Variants in SLC41A2 observed in about 807,000 individuals in gnomAD.
SLC41A2 encodes the protein solute carrier family 41 member 2.
In SLC41A2, 32 loss-of-function variants were observed where a neutral mutation model predicts 58.3. The ratio of observed to expected loss-of-function variants is 0.55; its 90% CI spans 0.41 to 0.74. SLC41A2 has a LOEUF of 0.74. Ranked by LOEUF, SLC41A2 falls within the 30% of genes least tolerant of loss-of-function variation. SLC41A2 has a pLI of 0.00. For synonymous variants in SLC41A2, 190 were observed against 235.0 expected (o/e 0.81, Z 1.75); for missense variants, 514 against 680.6 (o/e 0.76, Z 2.72).
At chr12:104,944,806 C>T (rs2047647407) in intron 1 of SLC41A2, among the ~76,000 whole-genome samples, 1 of 151,758 alleles carries the variant, frequency 6.6e-6, no homozygotes, top group Non-Finnish European at 1.5e-5. Context: ...TTTCTAATAT[C>T]CACTGGCATA....
chr12:104,835,851 AT>A (rs5800638), intron 10 of SLC41A2, among the ~76,000 whole-genome samples: 3 of 150,326 alleles, frequency 2.0e-5, no homozygotes, highest in East Asian at 2.0e-4. Flanking sequence ...ACAAAGCATC[AT>A]TTTTTTTTTG....
chr12:104,849,255 C>A (rs961216493), intron 8 of SLC41A2, among the ~76,000 whole-genome samples: 2 of 152,106 alleles, frequency 1.3e-5, no homozygotes, highest in East Asian at 3.9e-4. Context: ...AGTGGAAAGA[C>A]AAGCCACAGA....
chr12:104,875,276 G>A (rs1270049746), intron 6 of SLC41A2, among the ~76,000 whole-genome samples: 1 of 152,054 alleles, frequency 6.6e-6, no homozygotes, highest in Non-Finnish European at 1.5e-5. Flanking sequence ...CATTTATTTT[G>A]TTGTCGTTGT....
At chr12:104,841,133 CTCCACT>C (rs1294344972) in intron 10 of SLC41A2, among the ~76,000 whole-genome samples, 3 of 152,130 alleles carry the variant, frequency 2.0e-5, no homozygotes, top group East Asian at 3.8e-4. Context: ...AGTTTTACCC[CTCCACT>C]TCCACTTCCC....
At chr12:104,924,891 AG>A (rs1247703755) in intron 2 of SLC41A2, among the ~76,000 whole-genome samples, 1 of 152,162 alleles carries the variant, frequency 6.6e-6, no homozygotes, top group Non-Finnish European at 1.5e-5. Context: ...TATAATGTTG[AG>A]GGAAAAAAAG....
At chr12:104,909,810 T>C (rs2046001653) in intron 2 of SLC41A2, 48 bp from the exon 3 acceptor site, 1 of 1,285,594 alleles carries the variant, frequency 7.8e-7, no homozygotes, top group Non-Finnish European at 1.1e-6. Flanking sequence ...CTTTAAAAAA[T>C]ACTTTAGAAC....
chr12:104,929,082 G>A (rs1432248966), intron 1 of SLC41A2, among the ~76,000 whole-genome samples: 1 of 152,006 alleles, frequency 6.6e-6, no homozygotes, highest in Non-Finnish European at 1.5e-5. Flanking sequence ...GCATCTGTCA[G>A]TACACAACAA....
chr12:104,838,828 T>C (rs531410354), intron 10 of SLC41A2, among the ~76,000 whole-genome samples: 6 of 152,342 alleles, frequency 3.9e-5, no homozygotes, highest in African/African-American at 1.4e-4. Context: ...GAGAAGATTC[T>C]TAAGGGCAGG....
At chr12:104,845,561 C>T (rs2136335440) in intron 9 of SLC41A2, among the ~76,000 whole-genome samples, 1 of 152,216 alleles carries the variant, frequency 6.6e-6, no homozygotes, top group East Asian at 1.9e-4. Context: ...CTCCCGAAAT[C>T]ACCTGGCAAT....
intron 3 of SLC41A2, among the ~76,000 whole-genome samples, chr12:104,907,907 T>C (rs1483584869): frequency 1.3e-5 from 2 of 152,228 alleles, no homozygotes; most frequent in African/African-American, 4.8e-5. Context: ...ATATGACCTT[T>C]TATATACTAT....
intron 2 of SLC41A2, among the ~76,000 whole-genome samples, chr12:104,925,876 T>G (rs2046817380): frequency 6.6e-6 from 1 of 152,224 alleles, no homozygotes; most frequent in South Asian, 2.1e-4. Context: ...AAAACCAGCC[T>G]ATTTATTGTC....
intron 6 of SLC41A2, among the ~76,000 whole-genome samples, chr12:104,878,174 T>TCTTA (rs2044149677): frequency 1.3e-5 from 2 of 151,712 alleles, no homozygotes. Flanking sequence ...GCATTCTCTT[T>TCTTA]CTTACTTTCT....
At chr12:104,814,062 ATGTTT>A (rs2041289917) in intron 10 of SLC41A2, among the ~76,000 whole-genome samples, 1 of 152,204 alleles carries the variant, frequency 6.6e-6, no homozygotes, top group African/African-American at 2.4e-5. Context: ...ATGTATGTAT[ATGTTT>A]CAGAATAAAC....
intron 10 of SLC41A2, among the ~76,000 whole-genome samples, chr12:104,824,151 G>T (rs936746516): frequency 2.0e-5 from 3 of 152,066 alleles, no homozygotes; most frequent in South Asian, 4.2e-4. Context: ...CTGTGCCCAT[G>T]GACCTACGTG....
chr12:104,919,288 GATAATGCTACCATAACC>G (rs558045502), intron 2 of SLC41A2, among the ~76,000 whole-genome samples: 2 of 152,184 alleles, frequency 1.3e-5, no homozygotes, highest in Non-Finnish European at 2.9e-5. Context: ...AGCCACCATG[GATAATGCTACCATAACC>G]ATTCTTGTAG....
intron 8 of SLC41A2, among the ~76,000 whole-genome samples, chr12:104,854,541 C>T (rs568471901): frequency 3.4e-5 from 5 of 145,326 alleles, no homozygotes; most frequent in African/African-American, 7.6e-5. Flanking sequence ...CCAGCCTGGG[C>T]GAAAGAGCCA....
chr12:104,863,681 C>G (rs925132651), intron 7 of SLC41A2, among the ~76,000 whole-genome samples: 1 of 152,136 alleles, frequency 6.6e-6, no homozygotes, highest in African/African-American at 2.4e-5. Context: ...ACACTTCCCT[C>G]CCACTTTGAT....
At chr12:104,938,000 C>T (rs1565916771) in intron 1 of SLC41A2, among the ~76,000 whole-genome samples, 1 of 152,106 alleles carries the variant, frequency 6.6e-6, no homozygotes, top group South Asian at 2.1e-4. Flanking sequence ...GAGGCATGTG[C>T]CCCACAGTCC....
At chr12:104,850,410 G>T (rs564281659) in intron 8 of SLC41A2, among the ~76,000 whole-genome samples, 3 of 152,138 alleles carry the variant, frequency 2.0e-5, no homozygotes, top group Non-Finnish European at 4.4e-5. Context: ...CAGAAATAAA[G>T]ATTGAGTAAT....
Sources: gnomAD v4.1 joint callset for allele counts (sites outside exome capture counted in the v4.1 genomes callset) on GRCh38, gnomAD v4.1.1 for gene constraint, MANE v1.5 for transcripts, NCBI Gene and HGNC (gene_info 2026-07-23, HGNC 2026-07-21) for gene names.